MICU1: variants seen among roughly 807,000 people sequenced by gnomAD.
MICU1 encodes mitochondrial calcium uptake 1.
A neutral mutation model predicts 56.8 loss-of-function variants in MICU1; 45 were observed. The observed-to-expected ratio is 0.79, with a 90% CI of 0.62 to 1.02. The LOEUF (loss-of-function observed/expected upper bound fraction) is 1.02. MICU1 is among the 50% of genes least tolerant of loss of function. MICU1 has a pLI of 0.00. For missense variants in MICU1, 504 were observed against 587.1 expected (o/e 0.86, Z 1.46); for synonymous variants, 186 against 195.1 (o/e 0.95, Z 0.39).
intron 10 of MICU1, among the ~76,000 whole-genome samples, chr10:72,398,908 A>G (rs1339905287): frequency 6.6e-6 from 1 of 152,230 alleles, no homozygotes; most frequent in Non-Finnish European, 1.5e-5. Context: ...ATTCCAATCA[A>G]TAGAAAAAGA....
chr10:72,619,269 CCT>C (rs1454565313), intron 1 of MICU1, among the ~76,000 whole-genome samples: 2 of 151,964 alleles, frequency 1.3e-5, no homozygotes, highest in Non-Finnish European at 2.9e-5. Flanking sequence ...ACGGTGAAAC[CCT>C]GTCTCTACTA....
chr10:72,478,469 T>C (rs1172247998), intron 6 of MICU1, among the ~76,000 whole-genome samples: 1 of 152,230 alleles, frequency 6.6e-6, no homozygotes, highest in Non-Finnish European at 1.5e-5. Flanking sequence ...TTCAAATTTA[T>C]ACAGCTCTAG....
chr10:72,513,413 T>C (rs1312311527), intron 5 of MICU1, among the ~76,000 whole-genome samples: 2 of 152,354 alleles, frequency 1.3e-5, no homozygotes, highest in East Asian at 3.9e-4. Context: ...ATTTCTCATT[T>C]GGCTGTTGAG....
At chr10:72,422,185 T>C (rs1864197932) in intron 9 of MICU1, among the ~76,000 whole-genome samples, 1 of 152,142 alleles carries the variant, frequency 6.6e-6, no homozygotes, top group Non-Finnish European at 1.5e-5. Flanking sequence ...AGTGTTCTTA[T>C]AAGAAGAAAC....
chr10:72,493,334 T>C (rs539327616), intron 6 of MICU1, among the ~76,000 whole-genome samples: 1 of 152,362 alleles, frequency 6.6e-6, no homozygotes, highest in South Asian at 2.1e-4. Flanking sequence ...ATACATTATA[T>C]TAAGAACTAT....
chr10:72,542,350 T>C (rs944649325), intron 4 of MICU1, among the ~76,000 whole-genome samples: 1 of 152,222 alleles, frequency 6.6e-6, no homozygotes, highest in African/African-American at 2.4e-5. Context: ...CCCTGCTCTG[T>C]ACTAAGCAGC....
intron 5 of MICU1, among the ~76,000 whole-genome samples, chr10:72,515,046 T>C (rs1429916735): frequency 6.6e-6 from 1 of 152,104 alleles, no homozygotes; most frequent in African/African-American, 2.4e-5. Flanking sequence ...GCTGATTCCT[T>C]AGGGAGCCAC....
At chr10:72,588,274 C>T (rs1247234700) in intron 1 of MICU1, among the ~76,000 whole-genome samples, 1 of 151,970 alleles carries the variant, frequency 6.6e-6, no homozygotes, top group East Asian at 1.9e-4. Context: ...GTACAGCCTG[C>T]AGAACCGTGA....
Position 72,566,704 on chromosome 10 carries a change from C to A in MICU1, c.90G>T (p.Arg30=). Residue 30 remains arginine, a synonymous_variant, in exon 2 of 12, where the codon CGG becomes CGT. Coordinates refer to ENST00000361114, the MANE Select transcript of MICU1 (RefSeq NM_001195518.2). The part of the protein sequence containing the change: ...YHGGSQPIQI[R]RRLMMVAFLG... The stretch of plus-strand genomic sequence containing the variant: ...GGAAAGCCACCATCATTAGTCTTCG[C>A]CGGATCTGGATGGGCTGTGATCCTC... 1.2e-6 allele frequency: 2 copies of A among 1,612,752 alleles called. No homozygotes were observed. Among genetic ancestry groups the A allele is most frequent in the Non-Finnish European group, 1.7e-6 (2 of 1,179,408 alleles).
intron 1 of MICU1, among the ~76,000 whole-genome samples, chr10:72,589,724 G>C (rs908547437): frequency 1.3e-5 from 2 of 152,040 alleles, no homozygotes; most frequent in African/African-American, 4.8e-5. Context: ...AGAAAGACCA[G>C]AAATAGACTG....
chr10:72,495,958 T>C (rs76309847), intron 6 of MICU1, among the ~76,000 whole-genome samples: 6,222 of 151,984 alleles, frequency 0.041, 415 homozygotes, highest in African/African-American at 0.14. Context: ...TCATACTAAG[T>C]CATCATTTGG....
At chr10:72,620,549 G>A (rs187589433) in intron 1 of MICU1, among the ~76,000 whole-genome samples, 513 of 152,262 alleles carry the variant, frequency 3.4e-3, no homozygotes, top group African/African-American at 0.012. Context: ...AGCATTATTT[G>A]TATCCTTAAC....
intron 9 of MICU1, among the ~76,000 whole-genome samples, chr10:72,418,289 A>G (rs377175593): frequency 6.6e-6 from 1 of 152,180 alleles, no homozygotes; most frequent in African/African-American, 2.4e-5. Context: ...ACCCCAGAAC[A>G]CTGATGCCTG....
intron 5 of MICU1, among the ~76,000 whole-genome samples, chr10:72,524,993 G>C (rs1867923167): frequency 6.6e-6 from 1 of 151,882 alleles, no homozygotes; most frequent in Non-Finnish European, 1.5e-5. Context: ...TTAACTTCAT[G>C]GCAAATAGTT....
chr10:72,577,310 G>GA (rs1211858622), intron 1 of MICU1, among the ~76,000 whole-genome samples: 1 of 151,986 alleles, frequency 6.6e-6, no homozygotes, highest in African/African-American at 2.4e-5. Flanking sequence ...AGAAGTTCGA[G>GA]ACCAGCCTGA....
intron 6 of MICU1, among the ~76,000 whole-genome samples, chr10:72,488,864 T>C (rs1274448087): frequency 6.6e-6 from 1 of 152,208 alleles, no homozygotes; most frequent in Non-Finnish European, 1.5e-5. Flanking sequence ...AGCCCAAGAC[T>C]ATACCAGACA....
chr10:72,589,708 C>G lies in MICU1; in HGVS notation c.-1-22914G>C, dbSNP rs1316927914. On this transcript the variant is annotated intron_variant, in intron 1 of 11. Coordinates refer to ENST00000361114, the MANE Select transcript of MICU1 (RefSeq NM_001195518.2). ...TGAATACAAAAATAGGTCAATGGAA[C>G]TGAATAGAAAGACCAGAAATAGACT... 3.9e-5 allele frequency among the ~76,000 whole-genome samples: 6 copies of G among 152,012 alleles called. No homozygotes were observed. In the East Asian group the frequency reaches 1.2e-3, roughly 29 times the overall value.
At chr10:72,409,935 G>A (rs141255218) in intron 9 of MICU1, among the ~76,000 whole-genome samples, 147 of 152,172 alleles carry the variant, frequency 9.7e-4, no homozygotes, top group African/African-American at 2.9e-3. Flanking sequence ...CCCACAACAT[G>A]TCCCTTCCTA....
intron 1 of MICU1, among the ~76,000 whole-genome samples, chr10:72,577,509 C>CA (rs534974944): frequency 0.043 from 3,648 of 85,778 alleles, 153 homozygotes; most frequent in African/African-American, 0.13. Flanking sequence ...AACTCCGTCT[C>CA]AAAAAAAAAA....
Sources: allele counts gnomAD v4.1 joint callset (sites outside exome capture counted in the v4.1 genomes callset), GRCh38; gene constraint gnomAD v4.1.1; transcripts MANE v1.5; gene names NCBI Gene and HGNC (gene_info 2026-07-23, HGNC 2026-07-21).